The following CELF2 variants were observed in gnomAD, a reference collection of about 807,000 sequenced individuals.
CELF2 encodes CUGBP Elav-like family member 2.
CELF2 carries 8 observed loss-of-function variants against 62.6 expected under a neutral mutation model. That is an observed-to-expected ratio of 0.13 (90% CI 0.07 to 0.23). CELF2 has a LOEUF of 0.23. Among genes scored for constraint, CELF2 ranks in the 10% least tolerant of loss-of-function variants. CELF2 has a pLI of 1.00. For synonymous variants in CELF2, 258 were observed against 250.0 expected (o/e 1.03, Z -0.30); for missense variants, 333 against 671.0 (o/e 0.50, Z 5.56).
chr10:11,066,561 C>T (rs1306834696), intron 1 of CELF2, among the ~76,000 whole-genome samples: 1 of 152,164 alleles, frequency 6.6e-6, no homozygotes, highest in Admixed American at 6.5e-5. Flanking sequence ...GCCCTCCCAC[C>T]CTAAGATTTC....
intron 12 of CELF2, among the ~76,000 whole-genome samples, chr10:11,326,414 C>T (rs564868908): frequency 1.3e-5 from 2 of 152,382 alleles, no homozygotes; most frequent in African/African-American, 4.8e-5. Flanking sequence ...CGCAGCTCCA[C>T]GTGCCCGGGA....
In CELF2 at chr10:10,990,208, T is replaced by C. The variant is rs1321191767; in HGVS notation, c.89+70209T>C. Among the ~76,000 whole-genome samples, 1 of 152,118 alleles carries C rather than the reference T, an allele frequency of 6.6e-6. No individual in the cohort carries two copies. Among genetic ancestry groups the C allele is most frequent in the African/African-American group, 2.4e-5 (1 of 41,448 alleles). ...AATAAATTATGGGATATTTGTAAAA[T>C]GAAATAATATATAATCCTTGGAAAA... On this transcript the variant is annotated intron_variant, in intron 2 of 13. Transcript: ENST00000636488. The surrounding 1 kb of genome is among the most constrained non-coding windows in gnomAD (Gnocchi z 4.6).
chr10:10,964,277 T>A (rs1450256172), intron 2 of CELF2, among the ~76,000 whole-genome samples: 3 of 152,176 alleles, frequency 2.0e-5, no homozygotes, highest in African/African-American at 4.8e-5. Flanking sequence ...CGATCATGCT[T>A]CTAAAAGTGT....
At chr10:10,863,442 C>T (rs2060163394) in intron 1 of CELF2, among the ~76,000 whole-genome samples, 1 of 152,128 alleles carries the variant, frequency 6.6e-6, no homozygotes, top group East Asian at 1.9e-4. Context: ...GGGTTCAAAA[C>T]CCAGCTCTGA....
the CELF2 span, among the ~76,000 whole-genome samples, chr10:10,586,763 C>T: frequency 6.6e-6 from 1 of 152,218 alleles, no homozygotes; most frequent in East Asian, 1.9e-4. Flanking sequence ...ATCTCAGAAC[C>T]CATCTCCAGC....
At position 10,968,739 on chromosome 10, in the gene CELF2, A is replaced by T. The variant is rs1023555215; in HGVS notation, c.89+48740A>T. ...ACTAAAAGTGGTGAAAAGAAAAAAA[A>T]AAACATTCATTTATCGTGGTGGGAC... On this transcript the variant is annotated intron_variant, in intron 2 of 13. Coordinates refer to the CELF2 transcript ENST00000636488. Among the ~76,000 whole-genome samples the T allele has an allele frequency of 2.0e-5, 3 of 152,304 alleles. No homozygotes were observed. In the Middle Eastern group the frequency reaches 0.01, roughly 518 times the overall value.
At chr10:10,572,946 A>G in the CELF2 span, among the ~76,000 whole-genome samples, 1 of 152,212 alleles carries the variant, frequency 6.6e-6, no homozygotes, top group Admixed American at 6.5e-5. Context: ...ACCATCTTCC[A>G]CAATGGTTGA....
chr10:10,929,248 G>A (rs766019598), intron 2 of CELF2, among the ~76,000 whole-genome samples: 1 of 152,114 alleles, frequency 6.6e-6, no homozygotes, highest in Non-Finnish European at 1.5e-5. Context: ...TCTTGTGTCT[G>A]CCATTCCTTA....
chr10:11,122,213 GCTGT>G (rs777500823), intron 1 of CELF2, among the ~76,000 whole-genome samples: 28 of 152,276 alleles, frequency 1.8e-4, no homozygotes, highest in Admixed American at 3.3e-4. Flanking sequence ...CAAGGCCTCA[GCTGT>G]ATCCCTGGAT....
chr10:11,112,946 A>G (rs1283177932), intron 1 of CELF2, among the ~76,000 whole-genome samples: 1 of 151,546 alleles, frequency 6.6e-6, no homozygotes, highest in South Asian at 2.1e-4. Context: ...ATGAGTAAAC[A>G]CAGTGCATTT....
rs140397967 is a variant in CELF2 at position 10,928,905 on chromosome 10, A to G, written c.89+8906A>G. 2.0e-3 allele frequency among the ~76,000 whole-genome samples: 299 copies of G among 152,358 alleles called. No individual in the cohort carries two copies. The highest frequency in any genetic ancestry group is 6.7e-3 in the African/African-American group (279 of 41,590). ...ATAGTAGGCACGAATAAATATTTGC[A>G]TAAGTGTTTGACCGTCTGAATAGAT... On this transcript the variant is annotated intron_variant, in intron 2 of 13. Transcript: ENST00000636488. The surrounding 1 kb of genome is among the most constrained non-coding windows in gnomAD (Gnocchi z 4.8).
rs923171490 is a variant in CELF2, at chr10:11,156,022, T to G, written c.75-9464T>G. Among the ~76,000 whole-genome samples, 2 of 152,218 alleles carry G rather than the reference T, an allele frequency of 1.3e-5. No homozygotes were observed. Among genetic ancestry groups the G allele is most frequent in the Admixed American group, 6.5e-5 (1 of 15,290 alleles). ...TTTAACAGAAAAGTAGGTGGAGTTC[T>G]GAATGCCGGGCAAGCACAAAGGTCA... On this transcript the variant is annotated intron_variant, in intron 1 of 12. Coordinates refer to ENST00000633077, the MANE Select transcript of CELF2 (RefSeq NM_001326342.2). The surrounding 1 kb of genome is among the most constrained non-coding windows in gnomAD (Gnocchi z 4.3).
intron 2 of CELF2, among the ~76,000 whole-genome samples, chr10:11,202,488 G>T (rs1327987867): frequency 1.3e-5 from 2 of 152,142 alleles, no homozygotes; most frequent in Non-Finnish European, 2.9e-5. Flanking sequence ...ATCCTAGACT[G>T]CCCTCTCTGA....
At chr10:11,035,352 G>A (rs762199182) in intron 1 of CELF2, among the ~76,000 whole-genome samples, 1 of 152,198 alleles carries the variant, frequency 6.6e-6, no homozygotes, top group Non-Finnish European at 1.5e-5. Flanking sequence ...CTTCCCTGGT[G>A]CCTGGATTTA....
chr10:10,823,703 T>C (rs1011927177), intron 1 of CELF2, among the ~76,000 whole-genome samples: 1 of 152,230 alleles, frequency 6.6e-6, no homozygotes, highest in African/African-American at 2.4e-5. Context: ...TTTTTATAAG[T>C]ATGGATCTCA....
chr10:10,703,286 G>T, the CELF2 span, among the ~76,000 whole-genome samples: 1 of 152,196 alleles, frequency 6.6e-6, no homozygotes, highest in African/African-American at 2.4e-5. Context: ...TGAGTTGGGA[G>T]ATTAATTAAA....
intron 10 of CELF2, chr10:11,317,294 A>G (rs535811758): frequency 6.6e-6 from 1 of 152,300 alleles, no homozygotes; most frequent in African/African-American, 2.4e-5. Flanking sequence ...CACTACTTGC[A>G]TTGTGAAATT....
intron 1 of CELF2, among the ~76,000 whole-genome samples, chr10:11,029,524 G>T (rs567069788): frequency 1.3e-5 from 2 of 152,338 alleles, no homozygotes; most frequent in South Asian, 4.1e-4. Flanking sequence ...GTGTGATATT[G>T]ACTGTGGAGA....
chr10:10,514,057 G>A, the CELF2 span, among the ~76,000 whole-genome samples: 2 of 152,286 alleles, frequency 1.3e-5, no homozygotes, highest in African/African-American at 2.4e-5. Context: ...CCCTGGAGCC[G>A]TCCACTCTGG....
Sources: allele counts gnomAD v4.1 joint callset (sites outside exome capture counted in the v4.1 genomes callset), GRCh38; gene constraint gnomAD v4.1.1; non-coding constraint Gnocchi (gnomAD v3.1); transcripts MANE v1.5; gene names NCBI Gene and HGNC (gene_info 2026-07-23, HGNC 2026-07-21).